Variants in FGF12 observed in about 807,000 individuals in gnomAD.
The protein encoded by FGF12 is fibroblast growth factor 12B.
FGF12 carries 14 observed loss-of-function variants against 23.6 expected under a neutral mutation model. The observed-to-expected ratio is 0.59, with a 90% CI of 0.39 to 0.93. The LOEUF (loss-of-function observed/expected upper bound fraction) is 0.93, where lower values mean the gene tolerates loss of function less well. FGF12 is among the 40% of genes least tolerant of loss of function. FGF12 has a pLI of 0.00. For missense variants in FGF12, 175 were observed against 217.8 expected, an observed-to-expected ratio of 0.80 and a Z score of 1.24; for synonymous variants, 62 against 77.3, an observed-to-expected ratio of 0.80 and a Z score of 1.04.
intron 4 of FGF12, among the ~76,000 whole-genome samples, chr3:192,287,791 G>A (rs1027021205): frequency 2.6e-5 from 4 of 152,050 alleles, no homozygotes; most frequent in African/African-American, 9.7e-5. Flanking sequence ...TTGCTTTTGA[G>A]ATGCTCACTG....
chr3:192,387,312 T>C (rs574256101), intron 2 of FGF12, among the ~76,000 whole-genome samples: 3 of 152,280 alleles, frequency 2.0e-5, no homozygotes, highest in Admixed American at 6.5e-5. Context: ...CAAGGGGCTA[T>C]TCGGAAGCTC....
chr3:192,641,968 G>T (rs1715823181), intron 2 of FGF12, among the ~76,000 whole-genome samples: 1 of 152,176 alleles, frequency 6.6e-6, no homozygotes, highest in South Asian at 2.1e-4. Flanking sequence ...AATGACGTCT[G>T]TGAAGAGATG....
intron 2 of FGF12, among the ~76,000 whole-genome samples, chr3:192,452,930 T>C (rs1280526380): frequency 2.0e-5 from 3 of 152,250 alleles, no homozygotes; most frequent in African/African-American, 7.2e-5. Context: ...TGCATATTTT[T>C]TATTAACCTA....
rs191736392 is a variant in FGF12 at position 192,226,178 on chromosome 3, C to T, written c.229-55522G>A. On this transcript the variant is annotated intron_variant, in intron 4 of 5. Transcript: ENST00000445105. ...TAGCCTCTCTTCATGCGTCCTATACCCAAGACTAAGTGAACCATTGCTCTT... is the reference window on the plus strand; with the variant it reads ...TAGCCTCTCTTCATGCGTCCTATACTCAAGACTAAGTGAACCATTGCTCTT... Among the ~76,000 whole-genome samples, 175 of 152,200 alleles carry T rather than the reference C, an allele frequency of 1.1e-3. 1 individual carries two copies. Among genetic ancestry groups the T allele is most frequent in the Admixed American group, 4.8e-3 (73 of 15,276 alleles).
chr3:192,338,634 G>A (rs1487501352), intron 3 of FGF12, among the ~76,000 whole-genome samples: 2 of 152,196 alleles, frequency 1.3e-5, no homozygotes, highest in African/African-American at 2.4e-5. Context: ...TCCCCAGCGG[G>A]TGTTGGCAGG....
At chr3:192,478,415 G>GAT (rs146219000) in intron 2 of FGF12, among the ~76,000 whole-genome samples, 21,073 of 152,070 alleles carry the variant, frequency 0.14, 1,739 homozygotes, top group African/African-American at 0.23. Context: ...ATAATTAGTA[G>GAT]ATAGTATATA....
At chr3:192,163,811 A>G (rs1041263373) in intron 5 of FGF12, among the ~76,000 whole-genome samples, 1 of 119,348 alleles carries the variant, frequency 8.4e-6, no homozygotes, top group African/African-American at 3.0e-5. Flanking sequence ...AACCATGTAT[A>G]TGGCCAAGTG....
At chr3:192,453,760 T>C (rs943725196) in intron 2 of FGF12, among the ~76,000 whole-genome samples, 1 of 152,144 alleles carries the variant, frequency 6.6e-6, no homozygotes, top group Admixed American at 6.5e-5. Flanking sequence ...TGAAGACCCA[T>C]GGGATTAGTC....
chr3:192,284,522 C>A (rs1714335040), intron 4 of FGF12, among the ~76,000 whole-genome samples: 1 of 151,878 alleles, frequency 6.6e-6, no homozygotes, highest in Non-Finnish European at 1.5e-5. Context: ...GATATGGGGA[C>A]AGAAGGGAGA....
intron 4 of FGF12, among the ~76,000 whole-genome samples, chr3:192,269,355 C>T (rs967981646): frequency 1.3e-5 from 2 of 152,162 alleles, no homozygotes; most frequent in African/African-American, 4.8e-5. Context: ...TTAACCTGCA[C>T]TCAGTGTTAC....
At chr3:192,219,630 C>T (rs1718373871) in intron 4 of FGF12, among the ~76,000 whole-genome samples, 3 of 150,800 alleles carry the variant, frequency 2.0e-5, no homozygotes, top group African/African-American at 4.8e-5. Flanking sequence ...GCACCAACAT[C>T]ACCTGGGAAT....
At chr3:192,410,281 C>T (rs1294551516) in intron 2 of FGF12, among the ~76,000 whole-genome samples, 2 of 152,082 alleles carry the variant, frequency 1.3e-5, no homozygotes, top group African/African-American at 4.8e-5. Context: ...CGCCACCCCT[C>T]TCCCTCCTCT....
At chr3:192,463,507 T>C (rs1722921915) in intron 2 of FGF12, among the ~76,000 whole-genome samples, 1 of 152,212 alleles carries the variant, frequency 6.6e-6, no homozygotes, top group African/African-American at 2.4e-5. Context: ...CAACTGGTTA[T>C]GGTTTTATCT....
rs565536703 is a variant in FGF12, at chr3:192,350,354, T to TA, written c.124+10073dup. ...TAACATAAGCAAGTATAGGATAGAATAAAAAAAGTATGGTATATATAAGTA... is the reference window on the plus strand; with the variant it reads ...TAACATAAGCAAGTATAGGATAGAATAAAAAAAAGTATGGTATATATAAGTA... On this transcript the variant is annotated intron_variant, in intron 3 of 5. Transcript: ENST00000445105. 1.3e-3 allele frequency among the ~76,000 whole-genome samples: 196 copies of TA among 151,978 alleles called. No individual in the cohort carries two copies. The Middle Eastern group carries it at 0.017, about 13-fold the overall frequency.
At chr3:192,708,107 C>T (rs1218282695) in intron 2 of FGF12, among the ~76,000 whole-genome samples, 3 of 152,088 alleles carry the variant, frequency 2.0e-5, no homozygotes, top group Admixed American at 6.6e-5. Flanking sequence ...CTACAGGCGC[C>T]TGCCACCACA....
At chr3:192,432,620 CAAAAAAA>C (rs201364119) in intron 2 of FGF12, among the ~76,000 whole-genome samples, 35 of 106,724 alleles carry the variant, frequency 3.3e-4, no homozygotes, top group Admixed American at 5.9e-4. Flanking sequence ...TGACATCTGG[CAAAAAAA>C]AAAAAAAAAA....
intron 5 of FGF12, among the ~76,000 whole-genome samples, chr3:192,158,350 C>CTT (rs1178176242): frequency 1.0e-5 from 1 of 96,196 alleles, no homozygotes; most frequent in Non-Finnish European, 2.2e-5. Flanking sequence ...TTCTTTCTTT[C>CTT]TTTCTTTCTT....
In FGF12 at chr3:192,718,348, GCAAAAATGCCAT is replaced by G. The variant is rs960688234; in HGVS notation, c.13+8821_13+8832del. The stretch of plus-strand genomic sequence containing the variant: ...AAAAACATAATGTACAATCTGCTAA[GCAAAAATGCCAT>G]CAAGTTCGCCAAAAGAGATAGGAGA... On this transcript the variant is annotated intron_variant, in intron 2 of 5. Transcript: ENST00000445105. Among the ~76,000 whole-genome samples, 16 of 152,036 alleles carry G rather than the reference GCAAAAATGCCAT, an allele frequency of 1.1e-4. No homozygotes were observed. The South Asian group carries it at 2.1e-3, about 20-fold the overall frequency.
At chr3:192,525,260 C>T (rs6444641) in intron 2 of FGF12, among the ~76,000 whole-genome samples, 9,129 of 152,160 alleles carry the variant, frequency 0.06, 811 homozygotes, top group African/African-American at 0.2. Flanking sequence ...TCCCTGGAAA[C>T]CTCTGCTAAA....
Sources: allele counts gnomAD v4.1 joint callset (sites outside exome capture counted in the v4.1 genomes callset), GRCh38; gene constraint gnomAD v4.1.1; transcripts MANE v1.5; gene names NCBI Gene and HGNC (gene_info 2026-07-23, HGNC 2026-07-21).